CELF4: variants seen among roughly 807,000 people sequenced by gnomAD.
CELF4 encodes CUGBP Elav-like family member 4.
In CELF4, 18 loss-of-function variants were observed where a neutral mutation model predicts 59.9. The observed-to-expected ratio is 0.30, with a 90% confidence interval of 0.21 to 0.45. The LOEUF is 0.45. Among genes scored for constraint, CELF4 ranks in the 20% least tolerant of loss-of-function variants. CELF4 has a pLI of 1.00. For missense variants in CELF4, 456 were observed against 689.0 expected (o/e 0.66, Z 3.79); for synonymous variants, 261 against 267.1 (o/e 0.98, Z 0.22).
Position 37,249,225 on chromosome 18 carries a change from C to A in CELF4, c.*45-4028G>T, listed in dbSNP as rs143413887. 4.8e-4 allele frequency among the ~76,000 whole-genome samples: 73 copies of A among 152,252 alleles called. 2 individuals are homozygous for A. The East Asian group carries it at 0.013, about 27-fold the overall frequency. On this transcript the variant is annotated intron_variant, in intron 12 of 12. Transcript: ENST00000420428. ...CCTCCCAGAAGCCCTTAGACCCACC[C>A]AGGATGGCCAACGGGCAGCTCCCGT...
intron 2 of CELF4, among the ~76,000 whole-genome samples, chr18:37,436,519 A>G (rs2099693110): frequency 6.6e-6 from 1 of 152,224 alleles, no homozygotes; most frequent in Non-Finnish European, 1.5e-5. Context: ...AGGGGGGATC[A>G]AGAGCCAGGG....
chr18:37,280,997 C>T (rs1005286538), intron 3 of CELF4, among the ~76,000 whole-genome samples: 5 of 152,230 alleles, frequency 3.3e-5, no homozygotes, highest in Non-Finnish European at 1.5e-5. Flanking sequence ...TGCATCCTCC[C>T]ATGGGTCCCT....
chr18:37,383,985 T>A (rs1233028504), intron 2 of CELF4, among the ~76,000 whole-genome samples: 2 of 152,144 alleles, frequency 1.3e-5, no homozygotes, highest in African/African-American at 4.8e-5. Context: ...TTCTTCCTCC[T>A]CCTTCCAGAC....
intron 3 of CELF4, among the ~76,000 whole-genome samples, chr18:37,311,807 T>G (rs1224320140): frequency 2.2e-4 from 16 of 71,444 alleles, no homozygotes; most frequent in African/African-American, 7.6e-4. Flanking sequence ...AAAAAAAAAA[T>G]TAAGTCAGAA....
intron 2 of CELF4, among the ~76,000 whole-genome samples, chr18:37,393,087 GCGGTGTGTTAGAGAGACACAGGGA>G (rs2099185631): frequency 6.6e-6 from 1 of 151,520 alleles, no homozygotes; most frequent in Admixed American, 6.6e-5. Context: ...CACAGGGACT[GCGGTGTGTTAGAGAGACACAGGGA>G]CTGCGGTGTG....
At chr18:37,312,648 A>G (rs1438920061) in intron 3 of CELF4, among the ~76,000 whole-genome samples, 1 of 152,200 alleles carries the variant, frequency 6.6e-6, no homozygotes, top group African/African-American at 2.4e-5. Context: ...GGAGACTGAA[A>G]GAGGCTGTGG....
chr18:37,319,900 T>A (rs650303), intron 3 of CELF4, among the ~76,000 whole-genome samples: 1 of 152,056 alleles, frequency 6.6e-6, no homozygotes, highest in Non-Finnish European at 1.5e-5. Flanking sequence ...AGCTCCTGGC[T>A]GGGAGGTGGA....
intron 1 of CELF4, among the ~76,000 whole-genome samples, chr18:37,511,501 C>T (rs1321851291): frequency 6.6e-6 from 1 of 151,980 alleles, no homozygotes; most frequent in Non-Finnish European, 1.5e-5. Context: ...CCACATTTCA[C>T]TCTCCCTTCC....
At chr18:37,502,801 G>C (rs943880651) in intron 1 of CELF4, among the ~76,000 whole-genome samples, 1 of 152,150 alleles carries the variant, frequency 6.6e-6, no homozygotes, top group Non-Finnish European at 1.5e-5. Flanking sequence ...CCAAGGCCTC[G>C]GTAACATCTC....
rs200161003 is a variant in CELF4 at position 37,283,233 on chromosome 18, C to T, written c.449-7990G>A. The stretch of plus-strand genomic sequence containing the variant: ...TCCTCCTTCTACCCTGAGGTTGGAG[C>T]CACCCAGGCATGACGGTCACCTTCT... On this transcript the variant is annotated intron_variant, in intron 3 of 12. Transcript: ENST00000420428. Among the ~76,000 whole-genome samples, 35 of 151,896 alleles carry T rather than the reference C, an allele frequency of 2.3e-4. No homozygotes were observed. In the East Asian group the frequency reaches 6.8e-3, roughly 30 times the overall value.
At chr18:37,426,665 C>T (rs923997681) in intron 2 of CELF4, among the ~76,000 whole-genome samples, 11 of 150,778 alleles carry the variant, frequency 7.3e-5, no homozygotes, top group Admixed American at 1.3e-4. Flanking sequence ...GCAGAGGGTG[C>T]GGTGCGGGAG....
intron 9 of CELF4, among the ~76,000 whole-genome samples, chr18:37,265,375 G>T (rs978708811): frequency 6.6e-6 from 1 of 152,146 alleles, no homozygotes; most frequent in South Asian, 2.1e-4. Flanking sequence ...CAGAATCATG[G>T]ATAATTAAAA....
At chr18:37,418,262 A>T (rs1014203703) in intron 2 of CELF4, among the ~76,000 whole-genome samples, 12 of 152,350 alleles carry the variant, frequency 7.9e-5, no homozygotes, top group African/African-American at 2.9e-4. Context: ...TTGGTAAAAT[A>T]TCTAATGACT....
chr18:37,451,117 C>T (rs1366310703), intron 2 of CELF4, among the ~76,000 whole-genome samples: 1 of 152,336 alleles, frequency 6.6e-6, no homozygotes, highest in East Asian at 1.9e-4. Context: ...ATGGGACAAC[C>T]AGCAGGATCA....
intron 2 of CELF4, among the ~76,000 whole-genome samples, chr18:37,414,897 C>T (rs1485742556): frequency 2.6e-5 from 4 of 152,196 alleles, no homozygotes; most frequent in African/African-American, 9.6e-5. Context: ...CCCACCTACT[C>T]ATCTATCTAT....
In CELF4 at chr18:37,344,276, T is replaced by C. The variant is rs2098167065; in HGVS notation, c.370-22395A>G. On this transcript the variant is annotated intron_variant, in intron 2 of 12. Transcript: ENST00000420428. ...CCCATGGGGTCCAGAGAGCAAGTGC[T>C]GAGGACAGACGTGGCTTACACATGG... Among the ~76,000 whole-genome samples the C allele has an allele frequency of 3.3e-5, 5 of 152,210 alleles. No individual in the cohort carries two copies. In the South Asian group the frequency reaches 1.0e-3, roughly 32 times the overall value.
At chr18:37,265,906 T>G (rs1020071771) in intron 9 of CELF4, among the ~76,000 whole-genome samples, 3 of 152,122 alleles carry the variant, frequency 2.0e-5, no homozygotes, top group Non-Finnish European at 2.9e-5. Flanking sequence ...TGGGGTGCTG[T>G]GTAGTCCAGG....
At position 37,329,871 on chromosome 18, in the gene CELF4, C is replaced by T. The variant is rs867866510; in HGVS notation, c.370-7990G>A. 3.6e-4 allele frequency among the ~76,000 whole-genome samples: 55 copies of T among 152,348 alleles called. 1 individual carries two copies. The Middle Eastern group carries it at 0.02, about 57-fold the overall frequency. On this transcript the variant is annotated intron_variant, in intron 2 of 12. Transcript: ENST00000420428. ...GCCACATGGGGTGGCCTGCCCATGA[C>T]GCTGACCTGGGGGTGCCTTTCTGGG...
intron 2 of CELF4, among the ~76,000 whole-genome samples, chr18:37,336,512 C>T (rs2097775311): frequency 6.6e-6 from 1 of 152,202 alleles, no homozygotes; most frequent in Non-Finnish European, 1.5e-5. Flanking sequence ...ATGGCCTCCC[C>T]TCCACAAGCC....
Sources: gnomAD v4.1 joint callset for allele counts (sites outside exome capture counted in the v4.1 genomes callset) on GRCh38, gnomAD v4.1.1 for gene constraint, MANE v1.5 for transcripts, NCBI Gene and HGNC (gene_info 2026-07-23, HGNC 2026-07-21) for gene names.